The following TINAG variants were observed in gnomAD, a reference collection of about 807,000 sequenced individuals.
The protein encoded by TINAG is tubulointerstitial nephritis antigen.
A neutral mutation model predicts 72.7 loss-of-function variants in TINAG; 83 were observed. The observed-to-expected ratio is 1.14, with a 90% CI of 0.96 to 1.37. The LOEUF is 1.37. Ranked by LOEUF, TINAG falls within the 40% of genes most tolerant of loss-of-function variation. The pLI is 0.00. For missense variants in TINAG, 685 were observed against 576.6 expected (o/e 1.19, Z -1.93); for synonymous variants, 234 against 189.9 (o/e 1.23, Z -1.91).
At chr6:54,366,844 G>A (rs1445858460) in intron 9 of TINAG, among the ~76,000 whole-genome samples, 1 of 151,592 alleles carries the variant, frequency 6.6e-6, no homozygotes, top group African/African-American at 2.4e-5. Context: ...GGAAATATGA[G>A]CAGGAAATGC....
At chr6:54,376,944 A>T (rs1763801511) in intron 9 of TINAG, among the ~76,000 whole-genome samples, 1 of 152,304 alleles carries the variant, frequency 6.6e-6, no homozygotes, top group Admixed American at 6.5e-5. Context: ...GGCAGCACTC[A>T]TGCATCCTTA....
intron 4 of TINAG, among the ~76,000 whole-genome samples, chr6:54,333,729 A>T (rs1270094531): frequency 6.6e-6 from 1 of 152,140 alleles, no homozygotes; most frequent in Non-Finnish European, 1.5e-5. Flanking sequence ...ATTACTGGTT[A>T]TTCAGTGTGC....
At chr6:54,338,776 T>C (rs1582717776) in intron 4 of TINAG, among the ~76,000 whole-genome samples, 1 of 126,136 alleles carries the variant, frequency 7.9e-6, no homozygotes, top group African/African-American at 2.9e-5. Flanking sequence ...ACAATAAAAA[T>C]GATATGATGT....
chr6:54,331,810 A>G (rs1343825669), intron 4 of TINAG, among the ~76,000 whole-genome samples: 3 of 152,168 alleles, frequency 2.0e-5, no homozygotes, highest in Non-Finnish European at 4.4e-5. Context: ...CCTATACACC[A>G]ATAATAGATA....
At chr6:54,314,831 A>C (rs1784335675) in intron 1 of TINAG, among the ~76,000 whole-genome samples, 1 of 152,122 alleles carries the variant, frequency 6.6e-6, no homozygotes, top group Admixed American at 6.6e-5. Context: ...TTTTGCTAAG[A>C]CTTTAATTTA....
intron 5 of TINAG, among the ~76,000 whole-genome samples, chr6:54,345,589 A>G (rs1382488502): frequency 6.6e-6 from 1 of 152,136 alleles, no homozygotes; most frequent in Admixed American, 6.6e-5. Flanking sequence ...ATTTCTTTCT[A>G]AACCCCTGTG....
intron 4 of TINAG, among the ~76,000 whole-genome samples, chr6:54,330,106 G>C (rs9370290): frequency 0.74 from 112,611 of 152,018 alleles, 42,395 homozygotes; most frequent in African/African-American, 0.86. Flanking sequence ...GAACTCAGTT[G>C]TGGACCGGGC....
chr6:54,360,441 A>G (rs1247603412), intron 9 of TINAG, among the ~76,000 whole-genome samples: 1 of 151,706 alleles, frequency 6.6e-6, no homozygotes, highest in African/African-American at 2.4e-5. Context: ...TTAAAATGTC[A>G]TAAAAGTGTG....
At chr6:54,369,038 T>C (rs529092062) in intron 9 of TINAG, among the ~76,000 whole-genome samples, 146 of 151,980 alleles carry the variant, frequency 9.6e-4, no homozygotes, top group Middle Eastern at 3.4e-3. Context: ...AACGTAGATA[T>C]TTGACAGTTT....
At chr6:54,326,175 T>A (rs1041883316) in intron 3 of TINAG, among the ~76,000 whole-genome samples, 1 of 151,936 alleles carries the variant, frequency 6.6e-6, no homozygotes, top group East Asian at 1.9e-4. Flanking sequence ...GCACAAAATA[T>A]GTCTCTACAA....
intron 7 of TINAG, 116 bp downstream of exon 7, chr6:54,350,012 A>G (rs1280881885): frequency 7.8e-6 from 5 of 641,674 alleles, no homozygotes; most frequent in African/African-American, 3.8e-5. Flanking sequence ...AATAAATATT[A>G]TATTTTCATG....
In TINAG at chr6:54,364,573, G is replaced by A. The variant is rs371582927; in HGVS notation, c.1250+9937G>A. ...GATAATTCTGATCTCAGTGATTTTA[G>A]GATTCTTTAGTTTCTTTTTTGTTAG... On this transcript the variant is annotated intron_variant, in intron 9 of 10. Coordinates refer to ENST00000259782, the MANE Select transcript of TINAG (RefSeq NM_014464.4). Among the ~76,000 whole-genome samples the A allele has an allele frequency of 3.0e-4, 46 of 151,214 alleles. 1 individual carries two copies. The South Asian group carries it at 6.0e-3, about 20-fold the overall frequency.
rs537501917 is a variant in TINAG, at chr6:54,370,564, T to C, written c.1251-9962T>C. 9.9e-5 allele frequency among the ~76,000 whole-genome samples: 15 copies of C among 152,178 alleles called. No individual in the cohort carries two copies. In the South Asian group the frequency reaches 3.1e-3, roughly 32 times the overall value. ...TGTGTACCAGGCATCCTGCTAGTGCTGGAGATATGGAGATGAATAACATGG... is the reference window on the plus strand; with the variant it reads ...TGTGTACCAGGCATCCTGCTAGTGCCGGAGATATGGAGATGAATAACATGG... On this transcript the variant is annotated intron_variant, in intron 9 of 10. Transcript: ENST00000259782.
intron 3 of TINAG, among the ~76,000 whole-genome samples, chr6:54,322,124 G>A (rs1462802148): frequency 6.6e-6 from 1 of 152,072 alleles, no homozygotes; most frequent in Non-Finnish European, 1.5e-5. Context: ...TGGACAACTA[G>A]TGAGACCCCA....
chr6:54,331,597 A>G (rs1442899627), intron 4 of TINAG, among the ~76,000 whole-genome samples: 1 of 152,210 alleles, frequency 6.6e-6, no homozygotes, highest in Non-Finnish European at 1.5e-5. Context: ...TAGTATTGGA[A>G]GTTCTGGCCA....
chr6:54,366,317 G>T (rs1293851067), intron 9 of TINAG, among the ~76,000 whole-genome samples: 5 of 151,008 alleles, frequency 3.3e-5, no homozygotes, highest in Non-Finnish European at 5.9e-5. Context: ...TCAAAGTCTG[G>T]TTGCCTCTTA....
chr6:54,307,977 G>A, upstream of TINAG: 2 of 1,465,950 alleles, frequency 1.4e-6, no homozygotes, highest in Non-Finnish European at 1.9e-6. Context: ...GTAGGTAAAT[G>A]GAGTACAGAT....
intron 4 of TINAG, among the ~76,000 whole-genome samples, chr6:54,330,832 A>G (rs997718247): frequency 6.6e-6 from 1 of 152,228 alleles, no homozygotes; most frequent in Non-Finnish European, 1.5e-5. Flanking sequence ...AAACACCTCT[A>G]TGCAAATAAA....
chr6:54,385,879 ATTTTTTTTTT>A (rs557831982), intron 10 of TINAG, among the ~76,000 whole-genome samples: 1 of 80,756 alleles, frequency 1.2e-5, no homozygotes, highest in African/African-American at 5.4e-5. Flanking sequence ...AAAAAACATG[ATTTTTTTTTT>A]TTTTTTTTTT....
Sources: gnomAD v4.1 joint callset for allele counts (sites outside exome capture counted in the v4.1 genomes callset) on GRCh38, gnomAD v4.1.1 for gene constraint, MANE v1.5 for transcripts, NCBI Gene and HGNC (gene_info 2026-07-23, HGNC 2026-07-21) for gene names.